NXPH1: variants seen among roughly 807,000 people sequenced by gnomAD.
The protein encoded by NXPH1 is neurexophilin 1.
Under a neutral mutation model 23.7 loss-of-function variants are expected in NXPH1, and 5 were observed. The observed-to-expected ratio is 0.21, with a 90% CI of 0.11 to 0.44. The LOEUF (loss-of-function observed/expected upper bound fraction) is 0.44. NXPH1 is among the 20% of genes least tolerant of loss of function. NXPH1 has a pLI of 0.99. For missense variants in NXPH1, 324 were observed against 321.6 expected (o/e 1.01, Z -0.06); for synonymous variants, 144 against 122.2 (o/e 1.18, Z -1.18).
At chr7:8,691,323 ATT>A (rs1821217837) in intron 2 of NXPH1, among the ~76,000 whole-genome samples, 1 of 151,798 alleles carries the variant, frequency 6.6e-6, no homozygotes. Flanking sequence ...TAATTTTTGT[ATT>A]TTTTGTAGAG....
chr7:8,457,060 C>T lies in NXPH1; in HGVS notation c.54+21293C>T, dbSNP rs981111715. Among the ~76,000 whole-genome samples, 20 of 152,246 alleles carry T rather than the reference C, an allele frequency of 1.3e-4. 1 individual carries two copies. Among genetic ancestry groups the T allele is most frequent in the African/African-American group, 3.1e-4 (13 of 41,546 alleles). On this transcript the variant is annotated intron_variant, in intron 2 of 2. Coordinates refer to ENST00000405863, the MANE Select transcript of NXPH1 (RefSeq NM_152745.3). ...GTCAATTGAATATTTATGCTTGATA[C>T]GAGGGTTTTTAAAAACATTGTGTAG...
chr7:8,443,304 C>A lies in NXPH1; in HGVS notation c.54+7537C>A, dbSNP rs139172448. Among the ~76,000 whole-genome samples the A allele has an allele frequency of 2.0e-3, 308 of 152,352 alleles. 1 individual carries two copies. The highest frequency in any genetic ancestry group is 6.9e-3 in the African/African-American group (287 of 41,576). On this transcript the variant is annotated intron_variant, in intron 2 of 2. Coordinates refer to ENST00000405863, the MANE Select transcript of NXPH1 (RefSeq NM_152745.3). Reference sequence around the variant, plus strand: ...AATCCTTCTTTTCCCCAACTTCTCCCCCTACCCAGTCTCCCATTCTTTCAC... The same window carrying A: ...AATCCTTCTTTTCCCCAACTTCTCCACCTACCCAGTCTCCCATTCTTTCAC...
intron 2 of NXPH1, among the ~76,000 whole-genome samples, chr7:8,680,074 A>G (rs79412716): frequency 0.019 from 2,970 of 152,320 alleles, 100 homozygotes; most frequent in African/African-American, 0.068. Flanking sequence ...ACGGAGTGGT[A>G]TTTGTTCATG....
intron 2 of NXPH1, among the ~76,000 whole-genome samples, chr7:8,607,375 C>T (rs17152414): frequency 0.3 from 45,517 of 151,964 alleles, 7,618 homozygotes; most frequent in African/African-American, 0.43. Context: ...GATCGTGTCA[C>T]TCGATACAGT....
At chr7:8,451,142 C>G (rs1217096960) in intron 2 of NXPH1, among the ~76,000 whole-genome samples, 1 of 134,450 alleles carries the variant, frequency 7.4e-6, no homozygotes, top group African/African-American at 2.9e-5. Flanking sequence ...CATCTGTGTT[C>G]CTTTTGCTTA....
intron 2 of NXPH1, among the ~76,000 whole-genome samples, chr7:8,608,787 A>C (rs530137815): frequency 2.0e-5 from 3 of 152,160 alleles, no homozygotes; most frequent in African/African-American, 4.8e-5. Context: ...ATGAATGACA[A>C]ATGATTATAA....
intron 2 of NXPH1, among the ~76,000 whole-genome samples, chr7:8,501,835 T>C (rs991380466): frequency 5.9e-5 from 9 of 152,094 alleles, no homozygotes; most frequent in Non-Finnish European, 1.2e-4. Flanking sequence ...CTAACAGTCT[T>C]ACCCAAGAGT....
intron 2 of NXPH1, among the ~76,000 whole-genome samples, chr7:8,495,046 G>A (rs1430099752): frequency 6.6e-6 from 1 of 152,046 alleles, no homozygotes; most frequent in African/African-American, 2.4e-5. Flanking sequence ...AGATATCATG[G>A]ATTAGTTAGG....
At chr7:8,588,416 A>C (rs1233543765) in intron 2 of NXPH1, among the ~76,000 whole-genome samples, 1 of 152,102 alleles carries the variant, frequency 6.6e-6, no homozygotes, top group Non-Finnish European at 1.5e-5. Flanking sequence ...GATATCTGAT[A>C]TAAATCAGGA....
intron 2 of NXPH1, among the ~76,000 whole-genome samples, chr7:8,591,921 T>C (rs1052313333): frequency 1.3e-5 from 2 of 151,654 alleles, no homozygotes; most frequent in Non-Finnish European, 2.9e-5. Context: ...TGTCCTTTAA[T>C]GGTGACCTTC....
At chr7:8,693,320 C>T (rs17153997) in intron 2 of NXPH1, among the ~76,000 whole-genome samples, 55,109 of 152,026 alleles carry the variant, frequency 0.36, 10,720 homozygotes, top group East Asian at 0.44. Context: ...TCCTTCTGTG[C>T]GTAAGAGAGG....
chr7:8,439,800 T>C (rs184177186), intron 2 of NXPH1, among the ~76,000 whole-genome samples: 1 of 152,340 alleles, frequency 6.6e-6, no homozygotes, highest in African/African-American at 2.4e-5. Flanking sequence ...CCACTCATTA[T>C]GAAGATGGCT....
chr7:8,542,544 G>A (rs1452678284), intron 2 of NXPH1, among the ~76,000 whole-genome samples: 3 of 151,632 alleles, frequency 2.0e-5, no homozygotes, highest in African/African-American at 7.3e-5. Flanking sequence ...TCTACATAGT[G>A]TGTTATCCAA....
intron 2 of NXPH1, among the ~76,000 whole-genome samples, chr7:8,602,701 A>G (rs1819386895): frequency 6.6e-6 from 1 of 152,192 alleles, no homozygotes; most frequent in Non-Finnish European, 1.5e-5. Flanking sequence ...TTTGTTGTGA[A>G]GACTCATTTA....
chr7:8,450,669 C>G (rs1425547973), intron 2 of NXPH1, among the ~76,000 whole-genome samples: 1 of 152,206 alleles, frequency 6.6e-6, no homozygotes, highest in Admixed American at 6.5e-5. Context: ...CTTAGTTATG[C>G]CTTGGGGCAA....
intron 2 of NXPH1, among the ~76,000 whole-genome samples, chr7:8,472,387 G>T (rs1048501126): frequency 6.6e-6 from 1 of 152,094 alleles, no homozygotes; most frequent in Admixed American, 6.6e-5. Context: ...TTGATTCCTT[G>T]ACCACCTGGT....
intron 2 of NXPH1, among the ~76,000 whole-genome samples, chr7:8,730,292 C>T (rs2115215625): frequency 6.7e-6 from 1 of 149,376 alleles, no homozygotes; most frequent in African/African-American, 2.5e-5. Flanking sequence ...GACTCTTTAT[C>T]CAATTTGCCA....
At chr7:8,633,455 G>C (rs1000662166) in intron 2 of NXPH1, among the ~76,000 whole-genome samples, 2 of 152,194 alleles carry the variant, frequency 1.3e-5, no homozygotes, top group Non-Finnish European at 2.9e-5. Context: ...TCTCACAATA[G>C]AGTTTCCTTC....
chr7:8,623,964 G>A (rs969781171), intron 2 of NXPH1, among the ~76,000 whole-genome samples: 2 of 152,052 alleles, frequency 1.3e-5, no homozygotes, highest in South Asian at 2.1e-4. Flanking sequence ...TTTGAATCTA[G>A]TTTATGGATG....
Sources: gnomAD v4.1 joint callset for allele counts (sites outside exome capture counted in the v4.1 genomes callset) on GRCh38, gnomAD v4.1.1 for gene constraint, MANE v1.5 for transcripts, NCBI Gene and HGNC (gene_info 2026-07-23, HGNC 2026-07-21) for gene names.